The following STIM2 variants were observed in gnomAD, a reference collection of about 807,000 sequenced individuals.
The protein encoded by STIM2 is stromal interaction molecule 2.
A neutral mutation model predicts 85.8 loss-of-function variants in STIM2; 31 were observed. The ratio of observed to expected loss-of-function variants is 0.36; its 90% CI spans 0.27 to 0.49. The LOEUF is 0.49. STIM2 is among the 20% of genes least tolerant of loss of function. The pLI is 0.98. For missense variants in STIM2, 841 were observed against 927.6 expected, an observed-to-expected ratio of 0.91 and a Z score of 1.21; for synonymous variants, 356 against 331.1, an observed-to-expected ratio of 1.08 and a Z score of -0.82.
chr4:26,908,852 A>T (rs1429203289), intron 1 of STIM2, among the ~76,000 whole-genome samples: 3 of 152,146 alleles, frequency 2.0e-5, no homozygotes, highest in Admixed American at 2.0e-4. Context: ...TGTATTTTAG[A>T]CTATATTTGG....
chr4:26,939,690 G>A (rs1228296824), intron 2 of STIM2, among the ~76,000 whole-genome samples: 1 of 151,938 alleles, frequency 6.6e-6, no homozygotes, highest in Non-Finnish European at 1.5e-5. Context: ...TTTTTGTTTT[G>A]TTCTCATTTT....
chr4:26,977,904 A>G (rs1378213022), intron 3 of STIM2, among the ~76,000 whole-genome samples: 1 of 152,132 alleles, frequency 6.6e-6, no homozygotes, highest in Non-Finnish European at 1.5e-5. Flanking sequence ...ATAGGAGGAG[A>G]GCCAGGAGAA....
At chr4:26,865,094 T>C (rs1378199799) in intron 1 of STIM2, among the ~76,000 whole-genome samples, 1 of 152,166 alleles carries the variant, frequency 6.6e-6, no homozygotes, top group Admixed American at 6.5e-5. Flanking sequence ...CGTTGTTCTT[T>C]CTGAACTTCC....
In STIM2 at chr4:27,023,241, A is replaced by C. The variant is rs971932033; in HGVS notation, c.*245A>C. ...AAATCATTGAAATGAGACAGTTTACAGTCATTTCTGCCTATTTATTTCTGC... is the reference window on the plus strand; with the variant it reads ...AAATCATTGAAATGAGACAGTTTACCGTCATTTCTGCCTATTTATTTCTGC... On this transcript the variant is annotated 3_prime_UTR_variant, in exon 12 of 12. Coordinates refer to ENST00000467087, the MANE Select transcript of STIM2 (RefSeq NM_020860.4). The C allele has an allele frequency of 2.1e-6, 1 of 474,254 alleles. No individual in the cohort carries two copies. 29.4% of individuals were successfully genotyped at this position (474,254 alleles called of 1,614,324 possible). A position where few individuals can be genotyped will look rare whatever the true frequency, so the allele number is the denominator to read the frequency against.
intron 3 of STIM2, among the ~76,000 whole-genome samples, chr4:26,991,095 G>T (rs1429582602): frequency 1.3e-5 from 2 of 152,050 alleles, no homozygotes; most frequent in Non-Finnish European, 2.9e-5. Flanking sequence ...ATGTCTAAAA[G>T]AAAGGAAATC....
At chr4:26,885,565 T>A (rs1723185647) in intron 1 of STIM2, among the ~76,000 whole-genome samples, 1 of 152,008 alleles carries the variant, frequency 6.6e-6, no homozygotes, top group Admixed American at 6.6e-5. Context: ...GAATTGTAAA[T>A]CTTGATGGTA....
At chr4:26,922,593 T>A (rs1724845955) in intron 2 of STIM2, among the ~76,000 whole-genome samples, 1 of 152,162 alleles carries the variant, frequency 6.6e-6, no homozygotes, top group Non-Finnish European at 1.5e-5. Flanking sequence ...CTTCCATGTC[T>A]TCTTCATTCC....
At chr4:26,977,795 G>T (rs1358196759) in intron 3 of STIM2, among the ~76,000 whole-genome samples, 5 of 152,148 alleles carry the variant, frequency 3.3e-5, no homozygotes. Flanking sequence ...GAAAAATACT[G>T]GTTGAGATCA....
chr4:26,929,161 G>A (rs1035212540), intron 2 of STIM2, among the ~76,000 whole-genome samples: 1 of 151,950 alleles, frequency 6.6e-6, no homozygotes, highest in African/African-American at 2.4e-5. Flanking sequence ...AGACATATTG[G>A]GTTACATGAA....
rs371496365 is a variant in STIM2 at position 27,002,212 on chromosome 4, A to T, written c.626-5A>T. 1 of 1,584,048 alleles carries T rather than the reference A, an allele frequency of 6.3e-7. No homozygotes were observed. Among genetic ancestry groups the T allele is most frequent in the Admixed American group, 1.9e-5 (1 of 52,006 alleles). ...TAATTTAATCATCTGTAATTCTTTT[A>T]ATAGGCCCACCTCATAACTGGATGA... On this transcript the variant is annotated splice_polypyrimidine_tract_variant and splice_region_variant and intron_variant, in intron 5 of 11. Coordinates refer to ENST00000467087, the MANE Select transcript of STIM2 (RefSeq NM_020860.4).
intron 4 of STIM2, among the ~76,000 whole-genome samples, chr4:26,997,230 T>TA (rs1727989639): frequency 6.6e-6 from 1 of 152,170 alleles, no homozygotes; most frequent in Non-Finnish European, 1.5e-5. Context: ...TAAGAACTAG[T>TA]TACAAGAATG....
intron 11 of STIM2, among the ~76,000 whole-genome samples, chr4:27,020,219 G>A (rs1408302052): frequency 6.6e-6 from 1 of 152,182 alleles, no homozygotes; most frequent in African/African-American, 2.4e-5. Flanking sequence ...CACACACAAT[G>A]CAGCAAAGCC....
intron 4 of STIM2, among the ~76,000 whole-genome samples, chr4:26,996,004 C>G (rs1472525902): frequency 6.6e-6 from 1 of 151,948 alleles, no homozygotes; most frequent in South Asian, 2.1e-4. Context: ...TCATTTAACC[C>G]TCATGATTAA....
chr4:26,973,448 T>C (rs1054371376), intron 3 of STIM2, among the ~76,000 whole-genome samples: 6 of 152,228 alleles, frequency 3.9e-5, no homozygotes, highest in Non-Finnish European at 8.8e-5. Context: ...ATCTTTGTTC[T>C]CATTGGTTTC....
At chr4:26,903,576 AAGAT>A (rs1724008128) in intron 1 of STIM2, among the ~76,000 whole-genome samples, 1 of 152,220 alleles carries the variant, frequency 6.6e-6, no homozygotes, top group African/African-American at 2.4e-5. Flanking sequence ...AAATTATAAA[AAGAT>A]AGAAAAGAGG....
intron 2 of STIM2, among the ~76,000 whole-genome samples, chr4:26,936,751 A>G (rs903861541): frequency 1.3e-5 from 2 of 152,226 alleles, no homozygotes; most frequent in African/African-American, 4.8e-5. Context: ...TTCTGAAATC[A>G]TTTCATAGTA....
At position 26,878,508 on chromosome 4, in the gene STIM2, G is replaced by C. The variant is rs536037592; in HGVS notation, c.151+17139G>C. 7.2e-5 allele frequency among the ~76,000 whole-genome samples: 11 copies of C among 152,226 alleles called. No homozygotes were observed. The South Asian group carries it at 2.1e-3, about 29-fold the overall frequency. On this transcript the variant is annotated intron_variant, in intron 1 of 11. Coordinates refer to ENST00000467087, the MANE Select transcript of STIM2 (RefSeq NM_020860.4). ...GTGGATCTTTGCCTGGGCCTTGTGG[G>C]TGGGAGAGGTAATTACCTGCTTCTC...
chr4:27,007,458 T>G, intron 7 of STIM2, 75 bp from the exon 8 acceptor site: 1 of 1,082,238 alleles, frequency 9.2e-7, no homozygotes, highest in Non-Finnish European at 1.2e-6. Context: ...TTTTTTTAGT[T>G]TGGGTTCTAA....
intron 3 of STIM2, among the ~76,000 whole-genome samples, chr4:26,980,019 C>A (rs1417783506): frequency 6.6e-6 from 1 of 152,182 alleles, no homozygotes; most frequent in Non-Finnish European, 1.5e-5. Flanking sequence ...CCATCTTGGC[C>A]TCCCAAAGTG....
Sources: allele counts gnomAD v4.1 joint callset (sites outside exome capture counted in the v4.1 genomes callset), GRCh38; gene constraint gnomAD v4.1.1; transcripts MANE v1.5; gene names NCBI Gene and HGNC (gene_info 2026-07-23, HGNC 2026-07-21).